The following CNTNAP2 variants were observed in gnomAD, a reference collection of about 807,000 sequenced individuals.
CNTNAP2 encodes the protein contactin-associated protein-like 2.
In CNTNAP2, 98 loss-of-function variants were observed where a neutral mutation model predicts 155.2. That is an observed-to-expected ratio of 0.63 (90% CI 0.54 to 0.75). CNTNAP2 has a LOEUF of 0.75. Among genes scored for constraint, CNTNAP2 ranks in the 30% least tolerant of loss-of-function variants. The pLI, the probability that CNTNAP2 is intolerant of heterozygous loss-of-function variation, is 0.00. For synonymous variants in CNTNAP2, 651 were observed against 631.2 expected (o/e 1.03, Z -0.47); for missense variants, 1,727 against 1,688.1 (o/e 1.02, Z -0.40).
chr7:146,747,667 A>C (rs1012797777), intron 1 of CNTNAP2, among the ~76,000 whole-genome samples: 17 of 152,324 alleles, frequency 1.1e-4, no homozygotes, highest in Admixed American at 7.8e-4. Flanking sequence ...TGGTACTTAA[A>C]ACATTAGTTA....
chr7:148,155,882 T>C lies in CNTNAP2; in HGVS notation c.2773+8173T>C, dbSNP rs1411128765. Among the ~76,000 whole-genome samples, 4 of 152,250 alleles carry C rather than the reference T, an allele frequency of 2.6e-5. No homozygotes were observed. In the East Asian group the frequency reaches 7.7e-4, roughly 29 times the overall value. On this transcript the variant is annotated intron_variant, in intron 17 of 23. Transcript: ENST00000361727. Reference sequence around the variant, plus strand: ...AGATGACCCTGTGGCCCAGAGGGTATGTGGAAAGGTGCGGTGACACTGGGT... The same window carrying C: ...AGATGACCCTGTGGCCCAGAGGGTACGTGGAAAGGTGCGGTGACACTGGGT...
At chr7:146,984,223 C>T (rs1196872624) in intron 3 of CNTNAP2, among the ~76,000 whole-genome samples, 2 of 151,786 alleles carry the variant, frequency 1.3e-5, no homozygotes, top group Non-Finnish European at 2.9e-5. Flanking sequence ...CAAAATTAGT[C>T]GGGTGTGGTG....
chr7:147,552,687 T>C (rs555517155), intron 11 of CNTNAP2, among the ~76,000 whole-genome samples: 1 of 152,150 alleles, frequency 6.6e-6, no homozygotes, highest in South Asian at 2.1e-4. Context: ...CTCCACACTG[T>C]CCTTCAACAA....
chr7:148,298,999 C>CT (rs987913620), intron 21 of CNTNAP2, among the ~76,000 whole-genome samples: 22 of 141,996 alleles, frequency 1.5e-4, no homozygotes, highest in Admixed American at 1.4e-4. Flanking sequence ...TTTTTTTTTT[C>CT]TTTTTTTTTG....
At chr7:146,333,068 C>T (rs999558750) in intron 1 of CNTNAP2, among the ~76,000 whole-genome samples, 4 of 150,340 alleles carry the variant, frequency 2.7e-5, no homozygotes, top group East Asian at 2.0e-4. Flanking sequence ...CTCAGCCTCT[C>T]GAGTAGGTAG....
At chr7:148,080,006 C>T (rs996333401) in intron 15 of CNTNAP2, among the ~76,000 whole-genome samples, 3 of 152,116 alleles carry the variant, frequency 2.0e-5, no homozygotes, top group African/African-American at 7.2e-5. Context: ...ACTGTTGTGC[C>T]AAAGTCTCTA....
At chr7:148,288,182 C>T (rs1431590330) in intron 21 of CNTNAP2, among the ~76,000 whole-genome samples, 1 of 151,196 alleles carries the variant, frequency 6.6e-6, no homozygotes, top group African/African-American at 2.4e-5. Context: ...TCACTGCAAG[C>T]TCCGCCTCCC....
intron 1 of CNTNAP2, among the ~76,000 whole-genome samples, chr7:146,461,576 G>T (rs1796638334): frequency 6.6e-6 from 1 of 152,152 alleles, no homozygotes; most frequent in Non-Finnish European, 1.5e-5. Flanking sequence ...AATTATCTAA[G>T]GGAGTTAGAA....
chr7:147,811,987 A>C (rs1798186360), intron 13 of CNTNAP2, among the ~76,000 whole-genome samples: 1 of 152,222 alleles, frequency 6.6e-6, no homozygotes, highest in Admixed American at 6.5e-5. Context: ...AGAGTAGATT[A>C]GAAGGAAAAA....
chr7:147,738,650 C>CTTTTTT (rs111611444), intron 13 of CNTNAP2, among the ~76,000 whole-genome samples: 1 of 57,544 alleles, frequency 1.7e-5, no homozygotes. Context: ...GTAAACATAA[C>CTTTTTT]TTTTTTTTTT....
At chr7:147,432,320 G>A (rs1389912132) in intron 10 of CNTNAP2, among the ~76,000 whole-genome samples, 3 of 152,070 alleles carry the variant, frequency 2.0e-5, no homozygotes, top group African/African-American at 7.2e-5. Flanking sequence ...AATAGCTCTT[G>A]GGAGGGATAA....
chr7:146,811,360 T>A (rs1180683767), intron 2 of CNTNAP2, among the ~76,000 whole-genome samples: 4 of 152,184 alleles, frequency 2.6e-5, no homozygotes, highest in African/African-American at 9.6e-5. Flanking sequence ...TGATTCAATC[T>A]TGGTATATTG....
At chr7:147,475,955 G>A (rs1002238796) in intron 10 of CNTNAP2, among the ~76,000 whole-genome samples, 3 of 151,846 alleles carry the variant, frequency 2.0e-5, no homozygotes, top group African/African-American at 7.3e-5. Flanking sequence ...CTATTCTATT[G>A]ATCTATCTAT....
chr7:146,472,043 G>A (rs991766846), intron 1 of CNTNAP2, among the ~76,000 whole-genome samples: 1 of 152,108 alleles, frequency 6.6e-6, no homozygotes, highest in African/African-American at 2.4e-5. Flanking sequence ...TCCTGGTTTG[G>A]AAAAATATTA....
chr7:146,395,827 G>T (rs201705147), intron 1 of CNTNAP2, among the ~76,000 whole-genome samples: 11,345 of 70,396 alleles, frequency 0.16, 1,427 homozygotes, highest in African/African-American at 0.47. Context: ...ATAGATAGAG[G>T]AGAGAGAGAG....
intron 1 of CNTNAP2, among the ~76,000 whole-genome samples, chr7:146,599,513 T>C (rs1481018584): frequency 6.6e-6 from 1 of 152,084 alleles, no homozygotes; most frequent in Non-Finnish European, 1.5e-5. Flanking sequence ...TTTATGTCTA[T>C]ACCTAAATAT....
At chr7:147,063,649 C>T (rs914285603) in intron 4 of CNTNAP2, among the ~76,000 whole-genome samples, 2 of 151,872 alleles carry the variant, frequency 1.3e-5, no homozygotes, top group Admixed American at 6.6e-5. Flanking sequence ...GAATGAGAGG[C>T]AAAAATGTCT....
intron 9 of CNTNAP2, 150 bp from the exon 10 acceptor site, chr7:147,395,459 T>G (rs548253899): frequency 4.0e-6 from 3 of 744,030 alleles, no homozygotes; most frequent in Non-Finnish European, 6.6e-6. Flanking sequence ...CTCAAAAAAC[T>G]TCCTTTTTCT....
At chr7:146,275,421 A>G (rs192809109) in intron 1 of CNTNAP2, among the ~76,000 whole-genome samples, 3 of 152,224 alleles carry the variant, frequency 2.0e-5, no homozygotes, top group African/African-American at 7.2e-5. Context: ...CAACTTTAAC[A>G]TAAATAAAAA....
Sources: allele counts gnomAD v4.1 joint callset (sites outside exome capture counted in the v4.1 genomes callset), GRCh38; gene constraint gnomAD v4.1.1; transcripts MANE v1.5; gene names NCBI Gene and HGNC (gene_info 2026-07-23, HGNC 2026-07-21).